Variants in FER1L6 observed in about 807,000 individuals in gnomAD.
FER1L6 encodes the protein fer-1 like family member 6.
In FER1L6, 177 loss-of-function variants were observed where a neutral mutation model predicts 219.2. The observed-to-expected ratio is 0.81, with a 90% CI of 0.71 to 0.91. The LOEUF (loss-of-function observed/expected upper bound fraction) is 0.91, where lower values mean the gene tolerates loss of function less well. FER1L6 is among the 40% of genes least tolerant of loss of function. The probability of loss-of-function intolerance (pLI) is 0.00; values close to 1 mark genes in which losing one functional copy is unlikely to be tolerated. For missense variants in FER1L6, 2,153 were observed against 2,259.9 expected (o/e 0.95, Z 0.96); for synonymous variants, 768 against 824.3 (o/e 0.93, Z 1.17).
intron 33 of FER1L6, among the ~76,000 whole-genome samples, chr8:124,083,647 A>G (rs1821672957): frequency 6.6e-6 from 1 of 152,118 alleles, no homozygotes; most frequent in South Asian, 2.1e-4. Flanking sequence ...TGTTGTGCCA[A>G]TACCATGCTC....
chr8:123,932,212 G>A (rs147097559), intron 1 of FER1L6, among the ~76,000 whole-genome samples: 1 of 152,036 alleles, frequency 6.6e-6, no homozygotes, highest in Non-Finnish European at 1.5e-5. Context: ...GAGTTCATGC[G>A]ATTCTCCTGC....
chr8:123,957,064 C>A (rs1815053006), intron 2 of FER1L6, among the ~76,000 whole-genome samples: 1 of 152,312 alleles, frequency 6.6e-6, no homozygotes, highest in South Asian at 2.1e-4. Context: ...TTTTCTGGAC[C>A]ATTCCTAAAC....
At chr8:124,054,534 C>T (rs960179187) in intron 22 of FER1L6, among the ~76,000 whole-genome samples, 7 of 152,294 alleles carry the variant, frequency 4.6e-5, no homozygotes, top group African/African-American at 1.4e-4. Context: ...AAATCTGCCC[C>T]ATAGGAGACC....
intron 1 of FER1L6, among the ~76,000 whole-genome samples, chr8:123,929,663 C>A (rs7838473): frequency 0.39 from 59,400 of 151,878 alleles, 12,245 homozygotes; most frequent in South Asian, 0.52. Context: ...ATTGGAGACA[C>A]GGTATTGAGG....
At chr8:124,015,457 T>C (rs577363796) in intron 15 of FER1L6, among the ~76,000 whole-genome samples, 1 of 151,250 alleles carries the variant, frequency 6.6e-6, no homozygotes, top group African/African-American at 2.4e-5. Flanking sequence ...TGAATTCTGG[T>C]GTTCAGGTTT....
chr8:123,942,139 C>T (rs139391536), intron 1 of FER1L6, among the ~76,000 whole-genome samples: 93 of 152,094 alleles, frequency 6.1e-4, no homozygotes, highest in African/African-American at 2.2e-3. Context: ...GGGATGTTTA[C>T]GAGGCTGCCT....
chr8:124,090,078 C>G (rs1821963029), intron 33 of FER1L6, among the ~76,000 whole-genome samples: 1 of 152,210 alleles, frequency 6.6e-6, no homozygotes, highest in Non-Finnish European at 1.5e-5. Flanking sequence ...TCAAGGTAGA[C>G]TGCTCCATTA....
At chr8:123,896,285 A>C (rs550426011) in intron 1 of FER1L6, among the ~76,000 whole-genome samples, 100 of 152,222 alleles carry the variant, frequency 6.6e-4, no homozygotes, top group Non-Finnish European at 1.2e-3. Flanking sequence ...TTCTAAGTAG[A>C]ATTTTCAGTT....
intron 1 of FER1L6, among the ~76,000 whole-genome samples, chr8:123,869,119 A>T (rs1816884654): frequency 6.6e-6 from 1 of 152,202 alleles, no homozygotes; most frequent in African/African-American, 2.4e-5. Context: ...ATTGCTTCTG[A>T]GCCAGGTCTA....
At chr8:123,884,228 T>C (rs982121871) in intron 1 of FER1L6, among the ~76,000 whole-genome samples, 2 of 152,076 alleles carry the variant, frequency 1.3e-5, no homozygotes. Context: ...CCTGGGTGGG[T>C]GTATCAGGGA....
chr8:123,959,009 A>C (rs937028281), intron 2 of FER1L6, among the ~76,000 whole-genome samples: 1 of 152,080 alleles, frequency 6.6e-6, no homozygotes, highest in Non-Finnish European at 1.5e-5. Flanking sequence ...CAGGTCCCTA[A>C]TTGCAGATTG....
chr8:124,087,417 C>T (rs1227227248), intron 33 of FER1L6, among the ~76,000 whole-genome samples: 1 of 152,040 alleles, frequency 6.6e-6, no homozygotes, highest in Non-Finnish European at 1.5e-5. Context: ...GAATTTGATT[C>T]CTTTTAATCA....
At chr8:124,017,013 T>C in intron 15 of FER1L6, among the ~76,000 whole-genome samples, 1 of 152,254 alleles carries the variant, frequency 6.6e-6, no homozygotes, top group Non-Finnish European at 1.5e-5. Context: ...TTCACCAACT[T>C]TGAATATTAT....
intron 20 of FER1L6, among the ~76,000 whole-genome samples, chr8:124,041,283 ATGAAGAAGCAGATAT>A: frequency 6.6e-6 from 1 of 152,378 alleles, no homozygotes; most frequent in East Asian, 1.9e-4. Flanking sequence ...TGGGACTGTC[ATGAAGAAGCAGATAT>A]TTAAGTTTAT....
At chr8:124,079,557 TG>T (rs1319605634) in intron 32 of FER1L6, among the ~76,000 whole-genome samples, 5 of 152,168 alleles carry the variant, frequency 3.3e-5, no homozygotes, top group Admixed American at 3.3e-4. Flanking sequence ...CGTCACCCTG[TG>T]AGTAGATTGC....
At chr8:124,039,830 C>T in intron 19 of FER1L6, 52 bp from the exon 20 acceptor site, 1 of 1,612,142 alleles carries the variant, frequency 6.2e-7, no homozygotes, top group South Asian at 1.1e-5. Context: ...TGTGCACACA[C>T]TGTTCTTGAA....
chr8:124,026,239 C>G (rs574689441), intron 18 of FER1L6, among the ~76,000 whole-genome samples: 2 of 152,116 alleles, frequency 1.3e-5, no homozygotes, highest in Non-Finnish European at 2.9e-5. Flanking sequence ...GTGTCCAAAG[C>G]CTTTACCCCC....
chr8:123,888,571 C>A (rs953704678), intron 1 of FER1L6, among the ~76,000 whole-genome samples: 1 of 152,204 alleles, frequency 6.6e-6, no homozygotes, highest in Admixed American at 6.5e-5. Context: ...AGGTGATCTT[C>A]TTCTCTGGTA....
intron 1 of FER1L6, among the ~76,000 whole-genome samples, chr8:123,903,232 T>C (rs532076345): frequency 7.9e-5 from 12 of 152,370 alleles, no homozygotes; most frequent in African/African-American, 2.9e-4. Context: ...TTTATTATTA[T>C]GTTTGCATCA....
Sources: allele counts gnomAD v4.1 joint callset (sites outside exome capture counted in the v4.1 genomes callset), GRCh38; gene constraint gnomAD v4.1.1; transcripts MANE v1.5; gene names NCBI Gene and HGNC (gene_info 2026-07-23, HGNC 2026-07-21).